The following DGKI variants were observed in gnomAD, a reference collection of about 807,000 sequenced individuals.
The protein encoded by DGKI is diacylglycerol kinase iota.
Under a neutral mutation model 147.5 loss-of-function variants are expected in DGKI, and 55 were observed. The observed-to-expected ratio is 0.37, with a 90% confidence interval of 0.30 to 0.47. DGKI has a LOEUF of 0.47. Among genes scored for constraint, DGKI ranks in the 20% least tolerant of loss-of-function variants. The pLI, the probability that DGKI is intolerant of heterozygous loss-of-function variation, is 1.00. For synonymous variants in DGKI, 469 were observed against 477.1 expected, an observed-to-expected ratio of 0.98 and a Z score of 0.22; for missense variants, 1,007 against 1,323.8, an observed-to-expected ratio of 0.76 and a Z score of 3.71.
At chr7:137,788,364 T>TC (rs1796736363) in intron 1 of DGKI, among the ~76,000 whole-genome samples, 1 of 151,746 alleles carries the variant, frequency 6.6e-6, no homozygotes, top group South Asian at 2.1e-4. Flanking sequence ...CCCAATCCCA[T>TC]CTTCCCCCTT....
chr7:137,429,015 C>G (rs867087940), intron 28 of DGKI, among the ~76,000 whole-genome samples: 2,824 of 148,780 alleles, frequency 0.019, 89 homozygotes, highest in African/African-American at 0.067. Flanking sequence ...CCCCATCAAG[C>G]TACCAATGAC....
chr7:137,677,768 T>C (rs1212686409), intron 3 of DGKI, among the ~76,000 whole-genome samples: 1 of 152,220 alleles, frequency 6.6e-6, no homozygotes, highest in African/African-American at 2.4e-5. Flanking sequence ...TGGTGCTAAT[T>C]TCCCCAAATA....
intron 1 of DGKI, among the ~76,000 whole-genome samples, chr7:137,799,031 T>G (rs1222214656): frequency 6.6e-6 from 1 of 152,120 alleles, no homozygotes; most frequent in Non-Finnish European, 1.5e-5. Context: ...ATCTATTTTT[T>G]TAAAAAAACT....
chr7:137,531,296 C>T lies in DGKI; in HGVS notation c.2148-9330G>A, dbSNP rs898275504. ...AGCCCTGTCTTTCATCACATCAGGC[C>T]AAAATCATTTCCACTTTAAGAAGTA... On this transcript the variant is annotated intron_variant, in intron 20 of 32. Coordinates refer to ENST00000614521, the MANE Select transcript of DGKI (RefSeq NM_001321708.2). 2.0e-5 allele frequency among the ~76,000 whole-genome samples: 3 copies of T among 152,114 alleles called. No homozygotes were observed. The East Asian group carries it at 5.8e-4, about 29-fold the overall frequency.
At chr7:137,525,353 G>T (rs531335999) in intron 20 of DGKI, among the ~76,000 whole-genome samples, 2 of 152,236 alleles carry the variant, frequency 1.3e-5, no homozygotes, top group East Asian at 1.9e-4. Context: ...TCTGGGCGGG[G>T]TATCTGTTTT....
At chr7:137,609,643 G>A (rs758621852) in intron 8 of DGKI, 34 bp from the exon 9 acceptor site, 6 of 1,542,750 alleles carry the variant, frequency 3.9e-6, no homozygotes, top group Non-Finnish European at 5.4e-6. Context: ...TGAGCTCAGA[G>A]GCAGCCAGCC....
intron 28 of DGKI, among the ~76,000 whole-genome samples, chr7:137,413,539 G>C (rs1812245693): frequency 1.3e-5 from 2 of 152,094 alleles, no homozygotes; most frequent in Non-Finnish European, 2.9e-5. Flanking sequence ...GCAATATTTG[G>C]TTTTCTGTTT....
At chr7:137,784,127 T>C (rs1172054418) in intron 1 of DGKI, among the ~76,000 whole-genome samples, 1 of 152,206 alleles carries the variant, frequency 6.6e-6, no homozygotes, top group Admixed American at 6.5e-5. Flanking sequence ...ATCTCAATAC[T>C]GACATTGAAT....
chr7:137,412,925 A>G (rs1472232453), intron 28 of DGKI, among the ~76,000 whole-genome samples: 5 of 151,198 alleles, frequency 3.3e-5, no homozygotes, highest in South Asian at 2.1e-4. Flanking sequence ...AGCCTTAGGG[A>G]AAAAAAAATA....
chr7:137,750,488 G>T (rs1795464020), intron 1 of DGKI, among the ~76,000 whole-genome samples: 1 of 152,130 alleles, frequency 6.6e-6, no homozygotes, highest in South Asian at 2.1e-4. Context: ...AATGAACAAA[G>T]AATTACTGAT....
At chr7:137,775,488 A>G (rs1021377370) in intron 1 of DGKI, among the ~76,000 whole-genome samples, 26 of 152,328 alleles carry the variant, frequency 1.7e-4, no homozygotes, top group African/African-American at 6.3e-4. Context: ...GAATTTTAGA[A>G]TTAATTTAGT....
chr7:137,472,396 A>ATGTACAT (rs1396290321), intron 23 of DGKI, among the ~76,000 whole-genome samples: 9 of 94,734 alleles, frequency 9.5e-5, no homozygotes, highest in African/African-American at 5.6e-4. Flanking sequence ...TACATATTAT[A>ATGTACAT]ATTATTATAT....
chr7:137,548,921 A>G (rs1563079604), intron 20 of DGKI, among the ~76,000 whole-genome samples: 1 of 152,220 alleles, frequency 6.6e-6, no homozygotes, highest in Non-Finnish European at 1.5e-5. Flanking sequence ...AGAGGGCACC[A>G]TGGCACTCCA....
intron 10 of DGKI, among the ~76,000 whole-genome samples, chr7:137,606,451 T>A (rs1180718771): frequency 6.6e-6 from 1 of 152,222 alleles, no homozygotes; most frequent in Non-Finnish European, 1.5e-5. Context: ...AAGTATCTAT[T>A]TTTCTATTTA....
intron 1 of DGKI, among the ~76,000 whole-genome samples, chr7:137,829,170 A>G (rs564920900): frequency 6.6e-6 from 1 of 152,386 alleles, no homozygotes; most frequent in East Asian, 1.9e-4. Context: ...GCAGAGGAAG[A>G]TGCAGTTTGC....
chr7:137,447,026 T>C (rs1813744390), intron 27 of DGKI, among the ~76,000 whole-genome samples: 1 of 152,244 alleles, frequency 6.6e-6, no homozygotes, highest in South Asian at 2.1e-4. Flanking sequence ...TTCTTATAGC[T>C]GTCCTCTTCA....
rs115155581 is a variant in DGKI at position 137,687,195 on chromosome 7, A to G, written c.510+2699T>C. Among the ~76,000 whole-genome samples, 578 of 152,302 alleles carry G rather than the reference A, an allele frequency of 3.8e-3. 5 individuals are homozygous for G. Among genetic ancestry groups the G allele is most frequent in the African/African-American group, 0.013 (550 of 41,556 alleles). ...TGCCACTGTGGTCAAGACCTTCAGA[A>G]GCACAACTTAGCACTATTGGGGCCC... On this transcript the variant is annotated intron_variant, in intron 2 of 32. Transcript: ENST00000614521.
chr7:137,691,897 A>G (rs1286221156), intron 1 of DGKI, among the ~76,000 whole-genome samples: 1 of 148,166 alleles, frequency 6.7e-6, no homozygotes, highest in Non-Finnish European at 1.5e-5. Flanking sequence ...GATCACATCG[A>G]GCTTGCTGGT....
At chr7:137,824,602 G>A (rs920464125) in intron 1 of DGKI, among the ~76,000 whole-genome samples, 4 of 151,938 alleles carry the variant, frequency 2.6e-5, no homozygotes, top group Non-Finnish European at 5.9e-5. Context: ...TTAAGTTCAG[G>A]GGTGCATGTG....
Sources: allele counts gnomAD v4.1 joint callset (sites outside exome capture counted in the v4.1 genomes callset), GRCh38; gene constraint gnomAD v4.1.1; transcripts MANE v1.5; gene names NCBI Gene and HGNC (gene_info 2026-07-23, HGNC 2026-07-21).